CDH13: variants seen among roughly 807,000 people sequenced by gnomAD.
CDH13 encodes cadherin-13.
Under a neutral mutation model 63.8 loss-of-function variants are expected in CDH13, and 24 were observed. The ratio of observed to expected loss-of-function variants is 0.38; its 90% CI spans 0.27 to 0.53. The LOEUF (loss-of-function observed/expected upper bound fraction) is 0.53, where lower values mean the gene tolerates loss of function less well. CDH13 is among the 20% of genes least tolerant of loss of function. The pLI is 0.85. For missense variants in CDH13, 1,049 were observed against 903.1 expected (o/e 1.16, Z -2.07); for synonymous variants, 503 against 355.3 (o/e 1.42, Z -4.67).
intron 3 of CDH13, among the ~76,000 whole-genome samples, chr16:83,038,362 G>C (rs1004048016): frequency 1.3e-5 from 2 of 152,110 alleles, no homozygotes; most frequent in African/African-American, 4.8e-5. Context: ...CATTTTTAAT[G>C]GGCTTCCCAG....
At chr16:83,511,721 T>C (rs1018838992) in intron 7 of CDH13, among the ~76,000 whole-genome samples, 5 of 152,198 alleles carry the variant, frequency 3.3e-5, no homozygotes, top group Non-Finnish European at 7.3e-5. Flanking sequence ...CTAGAAGTCC[T>C]ATTGAAGAAT....
intron 6 of CDH13, among the ~76,000 whole-genome samples, chr16:83,365,308 G>A (rs2091237728): frequency 6.6e-6 from 1 of 152,198 alleles, no homozygotes; most frequent in Admixed American, 6.5e-5. Flanking sequence ...CTCTGACTCA[G>A]CTTTTTGGTT....
chr16:82,966,772 T>C (rs1907900005), intron 2 of CDH13, among the ~76,000 whole-genome samples: 1 of 152,152 alleles, frequency 6.6e-6, no homozygotes, highest in African/African-American at 2.4e-5. Flanking sequence ...GAAGAGAAAA[T>C]TGCAGACTCG....
chr16:82,901,324 CTGTGTGTGTGTGTGTGTGTG>C (rs61370328), intron 2 of CDH13, among the ~76,000 whole-genome samples: 1 of 130,416 alleles, frequency 7.7e-6, no homozygotes, highest in East Asian at 2.3e-4. Context: ...TAGTATTCTC[CTGTGTGTGTGTGTGTGTGTG>C]TGTGTGTGTG....
At chr16:83,263,565 A>C (rs1326777483) in intron 5 of CDH13, among the ~76,000 whole-genome samples, 1 of 152,194 alleles carries the variant, frequency 6.6e-6, no homozygotes, top group Non-Finnish European at 1.5e-5. Flanking sequence ...GAATGGTTTG[A>C]TATAAAAAAA....
intron 8 of CDH13, among the ~76,000 whole-genome samples, chr16:83,604,274 C>T (rs1908121632): frequency 6.6e-6 from 1 of 152,164 alleles, no homozygotes. Flanking sequence ...CATTCTCTGA[C>T]TTCCCATGGC....
At chr16:83,626,854 G>A (rs11642429) in intron 8 of CDH13, among the ~76,000 whole-genome samples, 9,819 of 152,128 alleles carry the variant, frequency 0.065, 449 homozygotes, top group Non-Finnish European at 0.1. Context: ...AGGACGCCTC[G>A]GAATGGTCCT....
At chr16:82,840,679 C>T (rs1427470576) in intron 1 of CDH13, among the ~76,000 whole-genome samples, 2 of 125,150 alleles carry the variant, frequency 1.6e-5, no homozygotes, top group Admixed American at 8.3e-5. Context: ...AGTGAGAATC[C>T]ATCTCAAAAA....
intron 3 of CDH13, among the ~76,000 whole-genome samples, chr16:83,080,114 G>C (rs1023422706): frequency 1.3e-5 from 2 of 152,158 alleles, no homozygotes; most frequent in Non-Finnish European, 2.9e-5. Flanking sequence ...GGTCAAGGAG[G>C]TTTTGCCTTT....
At chr16:83,577,291 G>A (rs4238699) in intron 7 of CDH13, among the ~76,000 whole-genome samples, 152,198 of 152,336 alleles carry the variant, frequency 1, 76,030 homozygotes, top group Non-Finnish European at 1. Context: ...TGATCACATT[G>A]AAGGAAGAAG....
chr16:82,844,933 G>A (rs2039196671), intron 1 of CDH13, among the ~76,000 whole-genome samples: 1 of 151,994 alleles, frequency 6.6e-6, no homozygotes, highest in Non-Finnish European at 1.5e-5. Flanking sequence ...GGGATTACAG[G>A]CGTGAGGCAC....
chr16:83,231,842 G>T (rs1172150144), intron 5 of CDH13, among the ~76,000 whole-genome samples: 1 of 152,186 alleles, frequency 6.6e-6, no homozygotes, highest in African/African-American at 2.4e-5. Context: ...GGGCCTGGTG[G>T]GAGGTGATTG....
At chr16:83,453,174 C>G (rs2072928363) in intron 6 of CDH13, among the ~76,000 whole-genome samples, 1 of 152,036 alleles carries the variant, frequency 6.6e-6, no homozygotes. Context: ...AATGAAGATG[C>G]AAAGACATAA....
At chr16:83,315,974 A>C (rs867285115) in intron 5 of CDH13, among the ~76,000 whole-genome samples, 4 of 152,198 alleles carry the variant, frequency 2.6e-5, no homozygotes, top group Non-Finnish European at 4.4e-5. Flanking sequence ...TTACTGGGTA[A>C]TTTATAAAGG....
intron 6 of CDH13, among the ~76,000 whole-genome samples, chr16:83,427,066 ACAGGCGCCCGC>A (rs2071932839): frequency 6.6e-6 from 1 of 151,162 alleles, no homozygotes; most frequent in East Asian, 2.0e-4. Flanking sequence ...AGCTGGTACT[ACAGGCGCCCGC>A]CACCCCGCCT....
chr16:82,734,869 G>C (rs187159068), intron 1 of CDH13, among the ~76,000 whole-genome samples: 383 of 152,328 alleles, frequency 2.5e-3, no homozygotes, highest in Non-Finnish European at 4.4e-3. Context: ...GCCGAGGGCT[G>C]CCTGCTGACC....
intron 6 of CDH13, among the ~76,000 whole-genome samples, chr16:83,450,468 C>A (rs2072856072): frequency 6.6e-6 from 1 of 152,194 alleles, no homozygotes; most frequent in South Asian, 2.1e-4. Context: ...AGGGTAGTAT[C>A]TGATTCATTA....
intron 1 of CDH13, among the ~76,000 whole-genome samples, chr16:82,784,600 A>G (rs2035916310): frequency 6.6e-6 from 1 of 152,150 alleles, no homozygotes; most frequent in South Asian, 2.1e-4. Flanking sequence ...TAGTGAGGGA[A>G]GAAGAAGAAT....
chr16:83,264,552 A>ATG (rs35460307), intron 5 of CDH13, among the ~76,000 whole-genome samples: 128,268 of 149,784 alleles, frequency 0.86, 55,112 homozygotes, highest in East Asian at 1. Flanking sequence ...ATATATATGT[A>ATG]TGTGTGTGTG....
Sources: gnomAD v4.1 joint callset for allele counts (sites outside exome capture counted in the v4.1 genomes callset) on GRCh38, gnomAD v4.1.1 for gene constraint, MANE v1.5 for transcripts, NCBI Gene and HGNC (gene_info 2026-07-23, HGNC 2026-07-21) for gene names.